Variants in DTWD2 observed in about 807,000 individuals in gnomAD.
DTWD2 encodes the protein DTW motif tRNA-uridine aminocarboxypropyltransferase 2, also known as tRNA-uridine aminocarboxypropyltransferase 2.
A neutral mutation model predicts 31.8 loss-of-function variants in DTWD2; 39 were observed. That is an observed-to-expected ratio of 1.22 (90% CI 0.95 to 1.60). The LOEUF is 1.60. Ranked by LOEUF, DTWD2 falls within the 40% of genes most tolerant of loss-of-function variation. The pLI, the probability that DTWD2 is intolerant of heterozygous loss-of-function variation, is 0.00. For synonymous variants in DTWD2, 180 were observed against 142.8 expected, an observed-to-expected ratio of 1.26 and a Z score of -1.86; for missense variants, 515 against 381.5, an observed-to-expected ratio of 1.35 and a Z score of -2.92.
chr5:118,929,769 G>A (rs1327635106), intron 3 of DTWD2, among the ~76,000 whole-genome samples: 1 of 152,186 alleles, frequency 6.6e-6, no homozygotes, highest in Non-Finnish European at 1.5e-5. Context: ...TGTTGCATCT[G>A]TAGAGAAAAA....
intron 1 of DTWD2, among the ~76,000 whole-genome samples, chr5:118,961,078 T>TA (rs55699245): frequency 0.77 from 115,301 of 150,296 alleles, 44,929 homozygotes; most frequent in East Asian, 0.99. Context: ...AACTAAAAGT[T>TA]AAAAAAAAAA....
intron 1 of DTWD2, among the ~76,000 whole-genome samples, chr5:118,956,786 C>A (rs1754596759): frequency 6.6e-6 from 1 of 152,126 alleles, no homozygotes; most frequent in Non-Finnish European, 1.5e-5. Flanking sequence ...AATTTTTATA[C>A]TCCTAACATA....
intron 5 of DTWD2, 70 bp downstream of exon 5, chr5:118,848,020 T>C (rs536283279): frequency 3.6e-6 from 5 of 1,395,412 alleles, no homozygotes; most frequent in Non-Finnish European, 2.8e-6. Flanking sequence ...TTAACAAGCA[T>C]GTCTAAATCT....
At chr5:118,904,850 C>G (rs1283972484) in intron 4 of DTWD2, among the ~76,000 whole-genome samples, 3 of 152,044 alleles carry the variant, frequency 2.0e-5, no homozygotes, top group Admixed American at 6.6e-5. Context: ...ACAATACAAA[C>G]AAAGGCTTTG....
Position 118,977,427 on chromosome 5 carries a change from T to C in DTWD2, c.218+10867A>G, listed in dbSNP as rs140596859. 2.7e-3 allele frequency among the ~76,000 whole-genome samples: 414 copies of C among 152,306 alleles called. 1 individual carries two copies. The highest frequency in any genetic ancestry group is 9.5e-3 in the African/African-American group (393 of 41,558). ...TGTTTGCAGATGACATGATTGTATA[T>C]TTAGAAAACCCCACTGTCTCAGCCC... On this transcript the variant is annotated intron_variant, in intron 1 of 5. Coordinates refer to ENST00000510708, the MANE Select transcript of DTWD2 (RefSeq NM_173666.4).
intron 1 of DTWD2, among the ~76,000 whole-genome samples, chr5:118,976,378 C>A (rs1001506631): frequency 6.6e-6 from 1 of 151,938 alleles, no homozygotes; most frequent in African/African-American, 2.4e-5. Context: ...AAAAACCCTT[C>A]AAAAAAATCT....
rs143368599 is a variant in DTWD2 at position 118,915,683 on chromosome 5, A to C, written c.597+12854T>G. On this transcript the variant is annotated intron_variant, in intron 4 of 5. Coordinates refer to ENST00000510708, the MANE Select transcript of DTWD2 (RefSeq NM_173666.4). ...GCCACTACGCCCGGCCTAATCTTTG[A>C]AATTTAACTGAATCCAATTAAACTC... 4.2e-3 allele frequency among the ~76,000 whole-genome samples: 646 copies of C among 152,244 alleles called. 4 individuals carry two copies. Among genetic ancestry groups the C allele is most frequent in the Non-Finnish European group, 7.1e-3 (481 of 67,988 alleles).
intron 4 of DTWD2, among the ~76,000 whole-genome samples, chr5:118,855,648 A>G (rs1178112200): frequency 6.6e-6 from 1 of 152,170 alleles, no homozygotes; most frequent in Non-Finnish European, 1.5e-5. Flanking sequence ...CAAGACTGAC[A>G]TGACAGCTTA....
intron 1 of DTWD2, among the ~76,000 whole-genome samples, chr5:118,962,289 T>A (rs1754724240): frequency 6.6e-6 from 1 of 152,162 alleles, no homozygotes; most frequent in Non-Finnish European, 1.5e-5. Flanking sequence ...CATTAAGATT[T>A]AGGTTAGTAT....
chr5:118,870,196 T>C (rs1272798231), intron 4 of DTWD2, among the ~76,000 whole-genome samples: 1 of 152,200 alleles, frequency 6.6e-6, no homozygotes, highest in African/African-American at 2.4e-5. Flanking sequence ...CATATAGCAA[T>C]GCAAACAGCC....
At chr5:118,922,471 G>A (rs1328475181) in intron 4 of DTWD2, among the ~76,000 whole-genome samples, 3 of 151,550 alleles carry the variant, frequency 2.0e-5, no homozygotes, top group African/African-American at 4.9e-5. Flanking sequence ...CAGGGGTGGG[G>A]GTATATGCAT....
chr5:118,856,927 C>G (rs929979956), intron 4 of DTWD2, among the ~76,000 whole-genome samples: 1 of 151,706 alleles, frequency 6.6e-6, no homozygotes, highest in Non-Finnish European at 1.5e-5. Context: ...TACCTGCCAC[C>G]ACGCCCAATT....
Position 118,840,863 on chromosome 5 carries a change from A to T in DTWD2, c.*54T>A. On this transcript the variant is annotated 3_prime_UTR_variant, in exon 6 of 6. Coordinates refer to ENST00000510708, the MANE Select transcript of DTWD2 (RefSeq NM_173666.4). ...ACAGACCTTAACTATATGAAAACTTAATTTGGTATTGTTAGATGAAGACAG... is the reference window on the plus strand; with the variant it reads ...ACAGACCTTAACTATATGAAAACTTTATTTGGTATTGTTAGATGAAGACAG... 1 of 1,559,428 alleles carries T rather than the reference A, an allele frequency of 6.4e-7. No individual in the cohort carries two copies. The highest frequency in any genetic ancestry group is 1.2e-5 in the South Asian group (1 of 80,804).
At chr5:118,949,633 G>A (rs902901054) in intron 1 of DTWD2, among the ~76,000 whole-genome samples, 1 of 152,172 alleles carries the variant, frequency 6.6e-6, no homozygotes, top group African/African-American at 2.4e-5. Flanking sequence ...GGTGGGATGG[G>A]ATATTGGCAT....
At position 118,889,879 on chromosome 5, in the gene DTWD2, G is replaced by C. The variant is rs552389501; in HGVS notation, c.597+38658C>G. Reference sequence around the variant, plus strand: ...TACTTAGCTATCCCCTAAAACTCAAGATCCTCTGGCTTCAAAAACGTATGC... The same window carrying C: ...TACTTAGCTATCCCCTAAAACTCAACATCCTCTGGCTTCAAAAACGTATGC... On this transcript the variant is annotated intron_variant, in intron 4 of 5. Transcript: ENST00000510708. 5.9e-5 allele frequency among the ~76,000 whole-genome samples: 9 copies of C among 152,154 alleles called. No homozygotes were observed. In the South Asian group the frequency reaches 1.5e-3, roughly 25 times the overall value.
chr5:118,974,023 TGAA>T (rs1358151195), intron 1 of DTWD2: 20 of 1,603,130 alleles, frequency 1.2e-5, no homozygotes, highest in African/African-American at 2.7e-5. Context: ...AGGATGGAGA[TGAA>T]GATGAGGAAG....
At chr5:118,917,014 T>G (rs890843094) in intron 4 of DTWD2, among the ~76,000 whole-genome samples, 2 of 152,184 alleles carry the variant, frequency 1.3e-5, no homozygotes, top group African/African-American at 4.8e-5. Context: ...CCTCCCTTCA[T>G]CCTAACTTGG....
At chr5:118,936,244 G>A (rs1475325921) in intron 3 of DTWD2, among the ~76,000 whole-genome samples, 2 of 152,126 alleles carry the variant, frequency 1.3e-5, no homozygotes, top group African/African-American at 2.4e-5. Flanking sequence ...CAATGGTTAA[G>A]AAGAGAAACT....
At chr5:118,943,644 A>T (rs1440478814) in intron 2 of DTWD2, among the ~76,000 whole-genome samples, 1 of 152,136 alleles carries the variant, frequency 6.6e-6, no homozygotes, top group Non-Finnish European at 1.5e-5. Context: ...AGGCTGAGGC[A>T]TGAGAATTGT....
Sources: gnomAD v4.1 joint callset for allele counts (sites outside exome capture counted in the v4.1 genomes callset) on GRCh38, gnomAD v4.1.1 for gene constraint, MANE v1.5 for transcripts, NCBI Gene and HGNC (gene_info 2026-07-23, HGNC 2026-07-21) for gene names.